The following XYLT1 variants were observed in gnomAD, a reference collection of about 807,000 sequenced individuals.
XYLT1 encodes the protein xylosyltransferase 1, also known as beta-D-xylosyltransferase 1.
In XYLT1, 36 loss-of-function variants were observed where a neutral mutation model predicts 91.3. The ratio of observed to expected loss-of-function variants is 0.39; its 90% CI spans 0.30 to 0.52. The LOEUF is 0.52. Ranked by LOEUF, XYLT1 falls within the 20% of genes least tolerant of loss-of-function variation. The pLI, the probability that XYLT1 is intolerant of heterozygous loss-of-function variation, is 0.68. For missense variants in XYLT1, 1,242 were observed against 1,284.5 expected (o/e 0.97, Z 0.51); for synonymous variants, 588 against 532.0 (o/e 1.11, Z -1.45).
intron 1 of XYLT1, among the ~76,000 whole-genome samples, chr16:17,435,345 G>A (rs59291772): frequency 1.7e-3 from 255 of 152,332 alleles, no homozygotes; most frequent in African/African-American, 5.9e-3. Flanking sequence ...CTAAAGGAAA[G>A]CCATTTGGCC....
At chr16:17,138,556 C>G in intron 7 of XYLT1, 25 bp from the exon 8 acceptor site, 4 of 1,605,876 alleles carry the variant, frequency 2.5e-6, no homozygotes, top group Non-Finnish European at 3.4e-6. Flanking sequence ...GGGACCCAGC[C>G]TGAGACCTCT....
intron 3 of XYLT1, among the ~76,000 whole-genome samples, chr16:17,223,574 G>A (rs995304975): frequency 1.3e-5 from 2 of 152,240 alleles, no homozygotes; most frequent in Admixed American, 6.5e-5. Flanking sequence ...CACTGTCTGG[G>A]TGCAGAAGAG....
At chr16:17,286,864 T>C (rs2141792668) in intron 2 of XYLT1, among the ~76,000 whole-genome samples, 1 of 152,278 alleles carries the variant, frequency 6.6e-6, no homozygotes, top group East Asian at 1.9e-4. Context: ...AGTGTTTTCA[T>C]TCCAATTTTA....
At chr16:17,298,589 T>A (rs931280103) in intron 2 of XYLT1, among the ~76,000 whole-genome samples, 3 of 152,188 alleles carry the variant, frequency 2.0e-5, no homozygotes, top group African/African-American at 7.2e-5. Context: ...AAAACTGGTC[T>A]ACCTGCTGCT....
rs1334092109 is a variant in XYLT1, at chr16:17,107,505, A to T, written c.*1190T>A. The T allele has an allele frequency of 6.6e-6, 1 of 152,576 alleles. No homozygotes were observed. Among genetic ancestry groups the T allele is most frequent in the Non-Finnish European group, 1.5e-5 (1 of 68,008 alleles). 9.5% of individuals were successfully genotyped at this position (152,576 alleles called of 1,614,324 possible). On this transcript the variant is annotated 3_prime_UTR_variant, in exon 12 of 12. Coordinates refer to ENST00000261381, the MANE Select transcript of XYLT1 (RefSeq NM_022166.4). Reference sequence around the variant, plus strand: ...TTGTTTAAATAACCTTCCCATTTTTATGTTGCATGTCCCGTTGAGCCTGTG... The same window carrying T: ...TTGTTTAAATAACCTTCCCATTTTTTTGTTGCATGTCCCGTTGAGCCTGTG...
intron 2 of XYLT1, among the ~76,000 whole-genome samples, chr16:17,333,487 G>A (rs974499842): frequency 2.0e-5 from 3 of 151,978 alleles, no homozygotes; most frequent in African/African-American, 7.3e-5. Context: ...GCTAAAGTGT[G>A]AAGTGATTGT....
intron 3 of XYLT1, among the ~76,000 whole-genome samples, chr16:17,236,091 T>C (rs1477267942): frequency 2.0e-5 from 3 of 152,222 alleles, no homozygotes; most frequent in African/African-American, 4.8e-5. Flanking sequence ...GGTCTGGAGA[T>C]GCCTTTTTCA....
Position 17,105,684 on chromosome 16 carries a change from C to T in XYLT1, c.*3011G>A, listed in dbSNP as rs986844024. 9.9e-5 allele frequency: 15 copies of T among 152,230 alleles called. No individual in the cohort carries two copies. The highest frequency in any genetic ancestry group is 1.8e-4 in the Non-Finnish European group (12 of 68,066). 9.4% of individuals were successfully genotyped at this position (152,230 alleles called of 1,614,324 possible). A position where few individuals can be genotyped will look rare whatever the true frequency, so the allele number is the denominator to read the frequency against. Reference sequence around the variant, plus strand: ...ACCCCAAGGCCCACCTGTCAGCCTTCCTGAGTTTCCAGGGACCTCGTCACT... The same window carrying T: ...ACCCCAAGGCCCACCTGTCAGCCTTTCTGAGTTTCCAGGGACCTCGTCACT... On this transcript the variant is annotated 3_prime_UTR_variant, in exon 12 of 12. Coordinates refer to ENST00000261381, the MANE Select transcript of XYLT1 (RefSeq NM_022166.4).
chr16:17,247,577 G>A (rs1057301671), intron 3 of XYLT1, among the ~76,000 whole-genome samples: 5 of 152,198 alleles, frequency 3.3e-5, no homozygotes, highest in African/African-American at 1.2e-4. Flanking sequence ...ACCTGAGGAG[G>A]CAGGGGAGGC....
chr16:17,297,093 T>C (rs781585001), intron 2 of XYLT1, among the ~76,000 whole-genome samples: 49 of 152,208 alleles, frequency 3.2e-4, no homozygotes, highest in South Asian at 1.0e-3. Context: ...AACAACTCAA[T>C]GCAGTATTGG....
intron 2 of XYLT1, among the ~76,000 whole-genome samples, chr16:17,266,378 C>A (rs990157983): frequency 6.6e-6 from 1 of 152,190 alleles, no homozygotes; most frequent in African/African-American, 2.4e-5. Flanking sequence ...GTCTTAGGTT[C>A]CGTTCCAAGC....
intron 2 of XYLT1, chr16:17,338,063 C>T (rs924258216): frequency 1.3e-5 from 5 of 397,292 alleles, no homozygotes; most frequent in Non-Finnish European, 2.0e-5. Context: ...CCACCGCACC[C>T]GGCCCCCGTT....
chr16:17,470,189 GC>G (rs1320714567), intron 1 of XYLT1, among the ~76,000 whole-genome samples: 1 of 152,124 alleles, frequency 6.6e-6, no homozygotes, highest in Admixed American at 6.5e-5. Context: ...CCCCCAAAGC[GC>G]CCCCGCTGGA....
chr16:17,326,492 T>A (rs775618710), intron 2 of XYLT1, among the ~76,000 whole-genome samples: 1 of 152,136 alleles, frequency 6.6e-6, no homozygotes, highest in Non-Finnish European at 1.5e-5. Flanking sequence ...ATGGCTGGAA[T>A]AGACCCCCTA....
chr16:17,184,395 A>G (rs2032138076), intron 5 of XYLT1, among the ~76,000 whole-genome samples: 1 of 152,050 alleles, frequency 6.6e-6, no homozygotes, highest in Admixed American at 6.5e-5. Context: ...GAGAATATCA[A>G]ATTGGCAGAG....
At chr16:17,398,568 A>G (rs1254828261) in intron 1 of XYLT1, among the ~76,000 whole-genome samples, 1 of 152,160 alleles carries the variant, frequency 6.6e-6, no homozygotes, top group African/African-American at 2.4e-5. Flanking sequence ...ACAAAGCACC[A>G]CTAAATGGCT....
rs1460242820 is a variant in XYLT1, at chr16:17,312,006, C to G, written c.402+46006G>C. ...GGAGGGAATTATAGGAGCTACAATT[C>G]AAGATGAGATTTGGGTGGGGACACA... is the stretch of plus-strand genomic sequence containing the variant. On this transcript the variant is annotated intron_variant, in intron 2 of 11. Coordinates refer to ENST00000261381, the MANE Select transcript of XYLT1 (RefSeq NM_022166.4). The surrounding 1 kb of genome is among the most constrained non-coding windows in gnomAD (Gnocchi z 4.4). Among the ~76,000 whole-genome samples the G allele has an allele frequency of 1.3e-5, 2 of 152,084 alleles. No individual in the cohort carries two copies. The highest frequency in any genetic ancestry group is 4.8e-5 in the African/African-American group (2 of 41,394).
chr16:17,433,356 A>AAATCT (rs1249565708), intron 1 of XYLT1, among the ~76,000 whole-genome samples: 6 of 152,248 alleles, frequency 3.9e-5, no homozygotes, highest in African/African-American at 1.4e-4. Context: ...TGGAGAAAGA[A>AAATCT]AATCTTAAGA....
intron 2 of XYLT1, among the ~76,000 whole-genome samples, chr16:17,322,007 T>C (rs1047576152): frequency 2.0e-5 from 3 of 152,052 alleles, no homozygotes; most frequent in East Asian, 1.9e-4. Flanking sequence ...ACCAAACACA[T>C]ACCAAGCAGA....
Sources: allele counts gnomAD v4.1 joint callset (sites outside exome capture counted in the v4.1 genomes callset), GRCh38; gene constraint gnomAD v4.1.1; non-coding constraint Gnocchi (gnomAD v3.1); transcripts MANE v1.5; gene names NCBI Gene and HGNC (gene_info 2026-07-23, HGNC 2026-07-21).